Variants in SNAPC4 observed in about 807,000 individuals in gnomAD.
SNAPC4 encodes small nuclear RNA activating complex polypeptide 4.
SNAPC4 carries 127 observed loss-of-function variants against 151.3 expected under a neutral mutation model. That is an observed-to-expected ratio of 0.84 (90% confidence interval 0.73 to 0.97). SNAPC4 has a LOEUF of 0.97. SNAPC4 is among the 50% of genes least tolerant of loss of function. SNAPC4 has a pLI of 0.00. For missense variants in SNAPC4, 2,186 were observed against 1,935.0 expected, an observed-to-expected ratio of 1.13 and a Z score of -2.43; for synonymous variants, 1,002 against 824.4, an observed-to-expected ratio of 1.22 and a Z score of -3.69.
intron 21 of SNAPC4, 89 bp from the exon 22 acceptor site, chr9:136,379,388 C>A: frequency 6.4e-7 from 1 of 1,564,148 alleles, no homozygotes; most frequent in Non-Finnish European, 8.6e-7. Context: ...CAGGAGGGAC[C>A]ATGTGGGGAG....
At chr9:136,376,527 C>T in intron 22 of SNAPC4, 46 bp from the exon 23 acceptor site, 1 of 1,606,378 alleles carries the variant, frequency 6.2e-7, no homozygotes. Context: ...CACCCCCGAG[C>T]CATGATGGAC....
chr9:136,394,746 C>T, intron 6 of SNAPC4, 54 bp downstream of exon 6: 1 of 1,485,108 alleles, frequency 6.7e-7, no homozygotes, highest in Admixed American at 1.7e-5. Context: ...AAAGGAGGGC[C>T]ATGGGGAGGT....
chr9:136,391,794 C>T, intron 10 of SNAPC4, 148 bp downstream of exon 10: 2 of 853,628 alleles, frequency 2.3e-6, no homozygotes, highest in Non-Finnish European at 3.5e-6. Flanking sequence ...CAGGCTCCTT[C>T]CCTAGGGCCA....
At chr9:136,376,963 C>G (rs540413034) in intron 22 of SNAPC4, among the ~76,000 whole-genome samples, 1 of 152,290 alleles carries the variant, frequency 6.6e-6, no homozygotes, top group African/African-American at 2.4e-5. Context: ...GGGAGGCCAG[C>G]CTCCCAGCTG....
intron 3 of SNAPC4, among the ~76,000 whole-genome samples, chr9:136,396,113 G>A (rs1834261204): frequency 6.6e-6 from 1 of 152,228 alleles, no homozygotes; most frequent in Non-Finnish European, 1.5e-5. Flanking sequence ...CTGAGCCCCT[G>A]TCGTGTGCAT....
At chr9:136,395,506 G>A (rs1588767296) in intron 4 of SNAPC4, 83 bp from the exon 5 acceptor site, 16 of 1,572,326 alleles carry the variant, frequency 1.0e-5, no homozygotes, top group Non-Finnish European at 1.2e-5. Flanking sequence ...GCAGAGGAGA[G>A]GCAGGGAGCT....
chr9:136,380,091 G>A (rs1358717592), intron 20 of SNAPC4, among the ~76,000 whole-genome samples: 1 of 152,214 alleles, frequency 6.6e-6, no homozygotes. Flanking sequence ...CACCCAGAGT[G>A]GGCAGCGGTG....
intron 10 of SNAPC4, among the ~76,000 whole-genome samples, chr9:136,391,209 T>C (rs1337083257): frequency 6.6e-6 from 1 of 152,206 alleles, no homozygotes; most frequent in South Asian, 2.1e-4. Context: ...GAACATACCT[T>C]TTTCTTAAAA....
chr9:136,383,866 C>A lies in SNAPC4; in HGVS notation c.1500+87G>T. On this transcript the variant is annotated intron_variant, in intron 15 of 23. Coordinates refer to ENST00000684778, the MANE Select transcript of SNAPC4 (RefSeq NM_003086.4). This position sits in a 1 kb window ranked among gnomAD's most constrained non-coding sequence, Gnocchi z 4.2. ...GCCAAGACCAGAAACCGAACGCCCC[C>A]CTCCCCTCCCCTCCTCCTGCCTGCT... The A allele has an allele frequency of 1.5e-6, 2 of 1,302,496 alleles. No homozygotes were observed. Among genetic ancestry groups the A allele is most frequent in the South Asian group, 1.2e-5 (1 of 81,990 alleles). The allele number at this position is 1,302,496 out of a possible 1,614,324, so 80.7% of individuals were successfully genotyped here.
chr9:136,388,632 G>A (rs369678638), intron 10 of SNAPC4, 41 bp from the exon 11 acceptor site: 22 of 1,611,686 alleles, frequency 1.4e-5, no homozygotes, highest in East Asian at 1.1e-4. Flanking sequence ...GTTACTGCGC[G>A]GCAGGATGTC....
At chr9:136,377,469 C>T in intron 22 of SNAPC4, 74 bp downstream of exon 22, 2 of 1,476,730 alleles carry the variant, frequency 1.4e-6, no homozygotes, top group Non-Finnish European at 1.8e-6. Flanking sequence ...CCCCACCCCA[C>T]TGCTCCAGGC....
At chr9:136,376,307 C>T (rs1427459303) in intron 23 of SNAPC4, 42 bp downstream of exon 23, 1 of 1,607,542 alleles carries the variant, frequency 6.2e-7, no homozygotes, top group Non-Finnish European at 8.5e-7. Flanking sequence ...ACCACTCTGT[C>T]CCCTGGGTTG....
At chr9:136,382,419 GCCT>G (rs1588746253) in intron 16 of SNAPC4, 83 bp from the exon 17 acceptor site, 1 of 1,147,812 alleles carries the variant, frequency 8.7e-7, no homozygotes, top group Non-Finnish European at 1.3e-6. Context: ...ACACACGACT[GCCT>G]CTTCACCCAG....
chr9:136,381,495 C>G lies in SNAPC4; in HGVS notation c.2318-103G>C, dbSNP rs929558954. ...CTCCCACGTGCCTTTCGAGGCGGCTCTGGGAGCCAGGCCAGGGTGGGAGGG... is the reference window on the plus strand; with the variant it reads ...CTCCCACGTGCCTTTCGAGGCGGCTGTGGGAGCCAGGCCAGGGTGGGAGGG... On this transcript the variant is annotated intron_variant, in intron 18 of 23. Transcript: ENST00000684778. 32 of 1,095,244 alleles carry G rather than the reference C, an allele frequency of 2.9e-5. No individual in the cohort carries two copies. The African/African-American group carries it at 4.5e-4, about 15-fold the overall frequency. The allele number at this position is 1,095,244 out of a possible 1,614,324, so 67.8% of individuals were successfully genotyped here.
intron 19 of SNAPC4, 80 bp downstream of exon 19, chr9:136,381,242 G>A (rs1267773575): frequency 1.8e-6 from 2 of 1,088,850 alleles, no homozygotes; most frequent in Admixed American, 1.8e-5. Flanking sequence ...TTTAAGGAAT[G>A]AATCTACTGC....
chr9:136,398,767 A>G (rs571671715), intron 1 of SNAPC4: 25 of 234,164 alleles, frequency 1.1e-4, no homozygotes, highest in Non-Finnish European at 1.1e-4. Flanking sequence ...ACCAAGCCAC[A>G]TGGAAACTGG....
In SNAPC4 at chr9:136,378,685, G is replaced by A. The variant is rs1377187601; in HGVS notation, c.3142C>T (p.Pro1048Ser). Residue 1048 changes from proline to serine, a missense_variant, in exon 22 of 24, where the codon CCC becomes TCC. Physicochemically the swap from Pro to Ser is moderately conservative, Grantham distance 74. Transcript: ENST00000684778. ...TGGACGGGCAGTGGGGTGGGGCTGG[G>A]GGCTGCGGGGAGAAAGGGTGGCGCC... is the stretch of plus-strand genomic sequence containing the variant. ...PEAPPFLPAA[P>S]SPTPLPVQPL... is the part of the protein sequence containing the mutation. 6.0e-6 allele frequency: 9 copies of A among 1,498,232 alleles called. No individual in the cohort carries two copies. The highest frequency in any genetic ancestry group is 1.4e-5 in the African/African-American group (1 of 71,974). 92.8% of individuals were successfully genotyped at this position (1,498,232 alleles called of 1,614,324 possible). A position where few individuals can be genotyped will look rare whatever the true frequency, so the allele number is the denominator to read the frequency against.
At chr9:136,392,196 G>A in intron 9 of SNAPC4, 90 bp from the exon 10 acceptor site, 8 of 1,506,486 alleles carry the variant, frequency 5.3e-6, no homozygotes, top group Non-Finnish European at 7.3e-6. Context: ...CTCTCCGCCA[G>A]CTGGAGGCTT....
rs769726060 is a variant in SNAPC4 at position 136,378,118 on chromosome 9, G to A, written c.3709C>T (p.Leu1237=). ...GTQEPRGPLG[L]EKLPLRQPGP... ...GGCTGGCGCAGGGGCAGCTTCTCCA[G>A]GCCCAGAGGCCCCCTGGGCTCCTGT... Residue 1237 remains leucine (L), a synonymous_variant, in exon 22 of 24, where the codon CTG becomes TTG. Coordinates refer to ENST00000684778, the MANE Select transcript of SNAPC4 (RefSeq NM_003086.4). The A allele has an allele frequency of 3.2e-5, 51 of 1,600,124 alleles. 1 individual carries two copies. The East Asian group carries it at 1.2e-3, about 36-fold the overall frequency.
Sources: allele counts gnomAD v4.1 joint callset (sites outside exome capture counted in the v4.1 genomes callset), GRCh38; gene constraint gnomAD v4.1.1; non-coding constraint Gnocchi (gnomAD v3.1); transcripts MANE v1.5; gene names NCBI Gene and HGNC (gene_info 2026-07-23, HGNC 2026-07-21).